GRM1: variants seen among roughly 807,000 people sequenced by gnomAD.
The protein encoded by GRM1 is metabotropic glutamate receptor 1.
A neutral mutation model predicts 90.9 loss-of-function variants in GRM1; 33 were observed. The ratio of observed to expected loss-of-function variants is 0.36; its 90% CI spans 0.28 to 0.49. The LOEUF is 0.49. Ranked by LOEUF, GRM1 falls within the 20% of genes least tolerant of loss-of-function variation. The pLI is 0.99. For synonymous variants in GRM1, 700 were observed against 613.2 expected (o/e 1.14, Z -2.09); for missense variants, 1,190 against 1,534.3 (o/e 0.78, Z 3.75).
At chr6:146,417,154 A>T (rs570587055) in intron 7 of GRM1, among the ~76,000 whole-genome samples, 19 of 152,268 alleles carry the variant, frequency 1.2e-4, no homozygotes, top group African/African-American at 4.6e-4. Context: ...AAGAATCATC[A>T]AAAATTCCAA....
At chr6:146,177,663 A>G (rs1240953124) in intron 2 of GRM1, among the ~76,000 whole-genome samples, 1 of 152,004 alleles carries the variant, frequency 6.6e-6, no homozygotes, top group Non-Finnish European at 1.5e-5. Context: ...GCCTTCACTG[A>G]ATTTTTTTTC....
intron 1 of GRM1, among the ~76,000 whole-genome samples, chr6:146,152,937 G>C (rs146216388): frequency 2.0e-5 from 3 of 152,198 alleles, no homozygotes; most frequent in African/African-American, 4.8e-5. Context: ...ACAGATACTA[G>C]ACACAGAGAA....
intron 3 of GRM1, among the ~76,000 whole-genome samples, chr6:146,346,617 A>T (rs1387084110): frequency 1.3e-5 from 2 of 152,170 alleles, no homozygotes; most frequent in Non-Finnish European, 2.9e-5. Flanking sequence ...AAGAAACTTT[A>T]GCAGCCAGGC....
intron 2 of GRM1, among the ~76,000 whole-genome samples, chr6:146,277,621 C>A (rs1782422964): frequency 1.3e-5 from 2 of 152,280 alleles, no homozygotes; most frequent in African/African-American, 4.8e-5. Context: ...GGGAAGACAC[C>A]TGGAACCTTG....
At chr6:146,097,207 T>A (rs1776903164) in intron 1 of GRM1, among the ~76,000 whole-genome samples, 1 of 152,210 alleles carries the variant, frequency 6.6e-6, no homozygotes, top group Non-Finnish European at 1.5e-5. Context: ...AAGTAAATTA[T>A]GATTTTACTC....
At chr6:146,381,047 A>C (rs1196353543) in intron 5 of GRM1, among the ~76,000 whole-genome samples, 18 of 152,156 alleles carry the variant, frequency 1.2e-4, no homozygotes, top group Admixed American at 1.1e-3. Context: ...AGTGGAAAGA[A>C]GAGGTCTCTT....
Position 146,436,273 on chromosome 6 carries a change from T to A in GRM1, c.*1477T>A, listed in dbSNP as rs1238189093. On this transcript the variant is annotated 3_prime_UTR_variant, in exon 8 of 8. Transcript: ENST00000282753. ...GGACATTTTTCTTCTAAGATGGAAC[T>A]TATTTTTCAGATATTTTCTGATGTG... is the stretch of plus-strand genomic sequence containing the variant. The A allele has an allele frequency of 2.0e-5, 3 of 152,234 alleles. No individual in the cohort carries two copies. The highest frequency in any genetic ancestry group is 7.2e-5 in the African/African-American group (3 of 41,466). 9.4% of individuals were successfully genotyped at this position (152,234 alleles called of 1,614,324 possible). A position where few individuals can be genotyped will look rare whatever the true frequency, so the allele number is the denominator to read the frequency against.
chr6:146,304,846 G>T lies in GRM1; in HGVS notation c.1186G>T (p.Gly396Cys). The change falls in exon 3 of 8, where the codon GGC (glycine) becomes TGC (cysteine). Residue 396 changes from glycine to cysteine, a missense_variant and splice_region_variant. This residue lies in a region of GRM1 where 414 missense variants were observed against 598.4 expected (regional missense o/e 0.69). Coordinates refer to ENST00000282753, the MANE Select transcript of GRM1 (RefSeq NM_001278064.2). ...TCCCAACTTTAAACGAATCTGCACA[G>T]GTAACTCATGTTCACAAAATAACAA... ...ENPNFKRICTGNESLEENYVQ... is the reference protein window; with the variant it reads ...ENPNFKRICTCNESLEENYVQ... 6.3e-7 allele frequency: 1 copy of T among 1,583,426 alleles called. No individual in the cohort carries two copies. The highest frequency in any genetic ancestry group is 8.7e-7 in the Non-Finnish European group (1 of 1,152,150).
chr6:146,175,004 G>C (rs1322010035), intron 2 of GRM1, among the ~76,000 whole-genome samples: 1 of 151,912 alleles, frequency 6.6e-6, no homozygotes, highest in Admixed American at 6.6e-5. Flanking sequence ...GAGAGAGATC[G>C]AGAGAGAGAG....
In GRM1 at chr6:146,398,999, A is replaced by G. The variant is rs1777064558; in HGVS notation, c.1960A>G (p.Thr654Ala). ...CPFTLIAKPT[T>A]TSCYLQRLLV... Reference sequence around the variant, plus strand: ...ATTCACTCTCATTGCCAAACCTACTACCACCTCCTGCTACCTCCAGCGCCT... The same window carrying G: ...ATTCACTCTCATTGCCAAACCTACTGCCACCTCCTGCTACCTCCAGCGCCT... The change falls in exon 7 of 8, where the codon ACC becomes GCC. Residue 654 changes from threonine (T) to alanine (A), a missense_variant. Thr to Ala is a moderately conservative substitution (Grantham distance 58). This residue lies in a region of GRM1 where 414 missense variants were observed against 598.4 expected (regional missense o/e 0.69). Transcript: ENST00000282753. 1.2e-6 allele frequency: 2 copies of G among 1,613,662 alleles called. No homozygotes were observed. The highest frequency in any genetic ancestry group is 1.3e-5 in the African/African-American group (1 of 74,802).
intron 3 of GRM1, among the ~76,000 whole-genome samples, chr6:146,313,529 A>G (rs2114949270): frequency 6.6e-6 from 1 of 152,272 alleles, no homozygotes; most frequent in South Asian, 2.1e-4. Flanking sequence ...TCTCATCAGG[A>G]GAATAGTTTT....
intron 1 of GRM1, among the ~76,000 whole-genome samples, chr6:146,065,318 A>T (rs1405076443): frequency 1.3e-5 from 2 of 152,212 alleles, no homozygotes; most frequent in African/African-American, 4.8e-5. Flanking sequence ...TCAGTGTCTC[A>T]AAACCACATT....
intron 3 of GRM1, among the ~76,000 whole-genome samples, chr6:146,331,856 G>A (rs1051608967): frequency 1.3e-5 from 2 of 152,146 alleles, no homozygotes; most frequent in African/African-American, 4.8e-5. Flanking sequence ...CTAGCCATCA[G>A]TTGCCCTTGA....
At chr6:146,400,037 T>C (rs558231063) in intron 7 of GRM1, among the ~76,000 whole-genome samples, 2 of 152,328 alleles carry the variant, frequency 1.3e-5, no homozygotes, top group South Asian at 4.1e-4. Context: ...CTATGGAGCA[T>C]CATTTTGCCC....
chr6:146,181,910 C>A (rs1778565917), intron 2 of GRM1, among the ~76,000 whole-genome samples: 1 of 151,734 alleles, frequency 6.6e-6, no homozygotes, highest in Non-Finnish European at 1.5e-5. Context: ...TAAGAGCATA[C>A]AAAAGATTAT....
intron 2 of GRM1, among the ~76,000 whole-genome samples, chr6:146,294,758 T>C (rs1783117928): frequency 6.6e-6 from 1 of 152,202 alleles, no homozygotes; most frequent in Non-Finnish European, 1.5e-5. Context: ...TTTCAAATTA[T>C]TTTATCTTCA....
intron 1 of GRM1, among the ~76,000 whole-genome samples, chr6:146,049,651 ATATCTATCTATCTATC>A (rs143624231): frequency 0.011 from 1,640 of 147,570 alleles, 18 homozygotes; most frequent in African/African-American, 0.033. Flanking sequence ...ACCTCCTTTC[ATATCTATCTATCTATC>A]TATCTATCTA....
At chr6:146,171,877 T>G in intron 2 of GRM1, 1 of 240,902 alleles carries the variant, frequency 4.2e-6, no homozygotes, top group Non-Finnish European at 8.8e-6. Flanking sequence ...ATTGTTCTTG[T>G]TTTTTTTCCA....
chr6:146,288,437 A>T (rs1782844190), intron 2 of GRM1, among the ~76,000 whole-genome samples: 1 of 152,296 alleles, frequency 6.6e-6, no homozygotes, highest in Non-Finnish European at 1.5e-5. Context: ...TCAAAATGCA[A>T]CTTAGTTTCT....
Sources: allele counts gnomAD v4.1 joint callset (sites outside exome capture counted in the v4.1 genomes callset), GRCh38; gene constraint gnomAD v4.1.1; regional missense constraint gnomAD v4.1.1; transcripts MANE v1.5; gene names NCBI Gene and HGNC (gene_info 2026-07-23, HGNC 2026-07-21).